The following GPC3 variants were observed in gnomAD, a reference collection of about 807,000 sequenced individuals.
GPC3 encodes glypican 3.
In GPC3, 3 loss-of-function variants were observed where a neutral mutation model predicts 34.4. The observed-to-expected ratio is 0.09, with a 90% CI of 0.04 to 0.23. The LOEUF is 0.23. GPC3 is among the 10% of genes least tolerant of loss of function. The probability of loss-of-function intolerance (pLI) is 1.00; values close to 1 mark genes in which losing one functional copy is unlikely to be tolerated. For synonymous variants in GPC3, 177 were observed against 174.0 expected, an observed-to-expected ratio of 1.02 and a Z score of -0.13; for missense variants, 351 against 445.6, an observed-to-expected ratio of 0.79 and a Z score of 1.91.
intron 2 of GPC3, among the ~76,000 whole-genome samples, chrX:133,784,974 TTTTA>T (rs2072086539): frequency 8.9e-6 from 1 of 111,881 alleles, no homozygotes; most frequent in African/African-American, 3.3e-5. Context: ...GGGTTTTGTT[TTTTA>T]TTTATTTGTG....
At chrX:133,677,847 G>C (rs2070899994) in intron 5 of GPC3, among the ~76,000 whole-genome samples, 1 of 111,591 alleles carries the variant, frequency 9.0e-6, no homozygotes, top group Admixed American at 9.5e-5. Context: ...AGCAAGACTG[G>C]GCAGGGAACA....
At chrX:133,864,284 G>A (rs1489561610) in intron 2 of GPC3, among the ~76,000 whole-genome samples, 4 of 111,379 alleles carry the variant, frequency 3.6e-5, no homozygotes, top group Admixed American at 9.5e-5. Context: ...CAAACTGTGC[G>A]CACTTCACGG....
At chrX:133,857,545 C>A (rs1163767302) in intron 2 of GPC3, among the ~76,000 whole-genome samples, 2 of 111,653 alleles carry the variant, frequency 1.8e-5, no homozygotes, top group East Asian at 5.6e-4. Flanking sequence ...GGTCCCATCA[C>A]CAACACATAG....
chrX:133,879,224 C>T (rs972600759), intron 2 of GPC3, among the ~76,000 whole-genome samples: 4 of 110,135 alleles, frequency 3.6e-5, no homozygotes, highest in African/African-American at 1.3e-4. Context: ...CCACCACCTC[C>T]GTAACCTGGG....
chrX:133,915,723 T>C (rs773864552), intron 2 of GPC3, among the ~76,000 whole-genome samples: 1 of 112,393 alleles, frequency 8.9e-6, no homozygotes, highest in East Asian at 2.8e-4. Context: ...TGCAACATTA[T>C]GTACATTCAA....
In GPC3 at chrX:133,692,514, T is replaced by C. The variant is rs966564128; in HGVS notation, c.1167-20A>G. 2.5e-6 allele frequency: 3 copies of C among 1,193,555 alleles called. No homozygotes were observed. The highest frequency in any genetic ancestry group is 2.3e-4 in the Middle Eastern group (1 of 4,295). On this transcript the variant is annotated intron_variant, in intron 4 of 7. Transcript: ENST00000370818. ...AGTTCCCTAAAAGAAAAACAAAACA[T>C]CTGTGCATAAGAGGCAAGTAAACTC...
rs761596446 is a variant in GPC3, at chrX:133,655,494, A to G, written c.1413+6236T>C. 1.9e-3 allele frequency among the ~76,000 whole-genome samples: 205 copies of G among 108,283 alleles called. 1 individual carries two copies. The highest frequency in any genetic ancestry group is 6.7e-3 in the African/African-American group (196 of 29,329). The allele number at this position is 108,283 out of a possible 115,157, so 94.0% of individuals were successfully genotyped here. On this transcript the variant is annotated intron_variant, in intron 6 of 7. Transcript: ENST00000370818. Reference sequence around the variant, plus strand: ...CACACACCCACACACACACACACACACACACACACACCCACACACACACAC... The same window carrying G: ...CACACACCCACACACACACACACACGCACACACACACCCACACACACACAC...
At chrX:133,937,743 T>C (rs1429143853) in intron 2 of GPC3, among the ~76,000 whole-genome samples, 1 of 111,985 alleles carries the variant, frequency 8.9e-6, no homozygotes, top group East Asian at 2.8e-4. Context: ...TGTAGTAAAG[T>C]GTCCTTATCA....
intron 7 of GPC3, among the ~76,000 whole-genome samples, chrX:133,576,941 A>G (rs1169439576): frequency 1.8e-5 from 2 of 110,630 alleles, no homozygotes; most frequent in African/African-American, 6.6e-5. Context: ...AAAATTGCAC[A>G]TTTGTAGTTT....
chrX:133,763,211 A>G (rs2071813506), intron 2 of GPC3: 2 of 600,143 alleles, frequency 3.3e-6, no homozygotes, highest in African/African-American at 2.2e-5. Flanking sequence ...GAGGCATCTT[A>G]TGTTAATCTT....
Position 133,743,066 on chromosome X carries a change from T to A in GPC3, c.1032+10416A>T, listed in dbSNP as rs1267448411. Among the ~76,000 whole-genome samples, 3 of 112,534 alleles carry A rather than the reference T, an allele frequency of 2.7e-5. No individual in the cohort carries two copies. The East Asian group carries it at 8.4e-4, about 32-fold the overall frequency. On this transcript the variant is annotated intron_variant, in intron 3 of 7. Coordinates refer to ENST00000370818, the MANE Select transcript of GPC3 (RefSeq NM_004484.4). Reference sequence around the variant, plus strand: ...AAAGGACATTAAGAAATCTGTAATTTCACCAAAACAAAGGCTATTTGTTTT... The same window carrying A: ...AAAGGACATTAAGAAATCTGTAATTACACCAAAACAAAGGCTATTTGTTTT...
At chrX:133,587,667 G>A (rs896545122) in intron 7 of GPC3, among the ~76,000 whole-genome samples, 2 of 112,094 alleles carry the variant, frequency 1.8e-5, no homozygotes, top group Non-Finnish European at 3.8e-5. Context: ...TTCACCAAAA[G>A]CCTTTAGCTA....
chrX:133,698,731 T>C (rs1424977296), intron 4 of GPC3, among the ~76,000 whole-genome samples: 3 of 111,559 alleles, frequency 2.7e-5, no homozygotes, highest in Non-Finnish European at 5.6e-5. Flanking sequence ...ACTGAGAGAT[T>C]TATAGAGGTA....
At chrX:133,826,196 GAGTATGCAC>G (rs1451073400) in intron 2 of GPC3, among the ~76,000 whole-genome samples, 3 of 111,729 alleles carry the variant, frequency 2.7e-5, no homozygotes, top group Admixed American at 1.9e-4. Context: ...AACTGTTCCT[GAGTATGCAC>G]AGACATTAGA....
At chrX:133,747,272 G>A (rs2071620896) in intron 3 of GPC3, among the ~76,000 whole-genome samples, 2 of 111,661 alleles carry the variant, frequency 1.8e-5, no homozygotes, top group South Asian at 3.8e-4. Context: ...TCTCACCACC[G>A]GCACTGCTCA....
At chrX:133,854,030 G>C (rs1432282812) in intron 2 of GPC3, among the ~76,000 whole-genome samples, 3 of 111,777 alleles carry the variant, frequency 2.7e-5, no homozygotes, top group African/African-American at 9.8e-5. Context: ...AGGAAAAATA[G>C]CTCTAGATGG....
chrX:133,891,342 T>C (rs913296199), intron 2 of GPC3, among the ~76,000 whole-genome samples: 8 of 111,619 alleles, frequency 7.2e-5, no homozygotes, highest in Non-Finnish European at 1.5e-4. Flanking sequence ...TTTGAGGTGA[T>C]AAAAATATCC....
intron 2 of GPC3, among the ~76,000 whole-genome samples, chrX:133,855,980 A>C (rs2124563263): frequency 8.9e-6 from 1 of 112,099 alleles, no homozygotes; most frequent in African/African-American, 3.2e-5. Flanking sequence ...AAATATTAAC[A>C]GTATTCCATC....
chrX:133,575,740 A>C lies in GPC3; in HGVS notation c.1573+20700T>G, dbSNP rs756685051. Among the ~76,000 whole-genome samples the C allele has an allele frequency of 8.4e-4, 94 of 111,822 alleles. 2 individuals carry two copies. Among genetic ancestry groups the C allele is most frequent in the Non-Finnish European group, 1.9e-4 (10 of 53,220 alleles). ...GGATGGTCATGGGGCACAAGAATGT[A>C]CTGTGGATCAATAATTATAGCTCTC... On this transcript the variant is annotated intron_variant, in intron 7 of 7. Transcript: ENST00000370818.
Sources: allele counts gnomAD v4.1 joint callset (sites outside exome capture counted in the v4.1 genomes callset), GRCh38; gene constraint gnomAD v4.1.1; transcripts MANE v1.5; gene names NCBI Gene and HGNC (gene_info 2026-07-23, HGNC 2026-07-21).